The following AGBL1 variants were observed in gnomAD, a reference collection of about 807,000 sequenced individuals.
The protein encoded by AGBL1 is cytosolic carboxypeptidase 4.
Under a neutral mutation model 118.9 loss-of-function variants are expected in AGBL1, and 130 were observed. The observed-to-expected ratio is 1.09, with a 90% CI of 0.95 to 1.26. The LOEUF (loss-of-function observed/expected upper bound fraction) is 1.26. Ranked by LOEUF, AGBL1 falls within the 50% of genes most tolerant of loss-of-function variation. The probability of loss-of-function intolerance (pLI) is 0.00; values close to 1 mark genes in which losing one functional copy is unlikely to be tolerated. For missense variants in AGBL1, 1,584 were observed against 1,298.1 expected (o/e 1.22, Z -3.38); for synonymous variants, 555 against 478.9 (o/e 1.16, Z -2.08).
rs140301354 is a variant in AGBL1 at position 86,501,095 on chromosome 15, T to G, written c.2556-21715T>G. Reference sequence around the variant, plus strand: ...ACACTTTAAGGAACTACAAACCTACTTCAAAGTGGCTGAACCACTTTATAT... The same window carrying G: ...ACACTTTAAGGAACTACAAACCTACGTCAAAGTGGCTGAACCACTTTATAT... On this transcript the variant is annotated intron_variant, in intron 18 of 22. Transcript: ENST00000614907. Among the ~76,000 whole-genome samples, 93 of 149,446 alleles carry G rather than the reference T, an allele frequency of 6.2e-4. 2 individuals are homozygous for G. In the East Asian group the frequency reaches 0.012, roughly 19 times the overall value.
At chr15:86,368,312 A>C (rs895041645) in intron 17 of AGBL1, among the ~76,000 whole-genome samples, 1 of 152,136 alleles carries the variant, frequency 6.6e-6, no homozygotes, top group African/African-American at 2.4e-5. Context: ...ACAACCATGG[A>C]AAACCCACTT....
At chr15:86,852,065 G>A (rs920418504) in intron 22 of AGBL1, among the ~76,000 whole-genome samples, 99 of 152,202 alleles carry the variant, frequency 6.5e-4, no homozygotes, top group Non-Finnish European at 1.0e-3. Flanking sequence ...GTATTCATCC[G>A]TATTCACACT....
intron 18 of AGBL1, among the ~76,000 whole-genome samples, chr15:86,483,932 C>T (rs1246103403): frequency 6.6e-6 from 1 of 152,100 alleles, no homozygotes; most frequent in Non-Finnish European, 1.5e-5. Flanking sequence ...AGGGAGCAGT[C>T]AGTATTCAGC....
chr15:86,089,868 C>A (rs1392849655), intron 1 of AGBL1, among the ~76,000 whole-genome samples: 1 of 152,072 alleles, frequency 6.6e-6, no homozygotes, highest in South Asian at 2.1e-4. Context: ...ACTTTAATTG[C>A]ACCAACTTAA....
intron 21 of AGBL1, among the ~76,000 whole-genome samples, chr15:86,583,580 C>G (rs1346903067): frequency 1.3e-5 from 2 of 152,064 alleles, no homozygotes; most frequent in Non-Finnish European, 2.9e-5. Context: ...CAGTCCACTG[C>G]TGATGGGCGC....
chr15:86,970,720 T>C (rs2081099261), intron 23 of AGBL1, among the ~76,000 whole-genome samples: 1 of 152,002 alleles, frequency 6.6e-6, no homozygotes, highest in Non-Finnish European at 1.5e-5. Flanking sequence ...AGTATGTTCC[T>C]ACCACATTCA....
chr15:86,245,120 A>C (rs1388172399), intron 6 of AGBL1, among the ~76,000 whole-genome samples: 1 of 152,164 alleles, frequency 6.6e-6, no homozygotes, highest in Non-Finnish European at 1.5e-5. Flanking sequence ...CCAAAAAATC[A>C]GTGGGGCTTA....
intron 22 of AGBL1, among the ~76,000 whole-genome samples, chr15:86,863,588 C>T (rs2079587589): frequency 6.6e-6 from 1 of 151,196 alleles, no homozygotes; most frequent in Non-Finnish European, 1.5e-5. Flanking sequence ...TAAGAGAAGT[C>T]ACCATCTCTT....
At chr15:86,178,127 C>CACG (rs2077505807) in intron 5 of AGBL1, among the ~76,000 whole-genome samples, 1 of 152,150 alleles carries the variant, frequency 6.6e-6, no homozygotes. Context: ...TCCTGGCCAA[C>CACG]GTGATGTAAC....
At chr15:86,657,917 C>T (rs956145623) in intron 21 of AGBL1, among the ~76,000 whole-genome samples, 1 of 151,858 alleles carries the variant, frequency 6.6e-6, no homozygotes, top group African/African-American at 2.4e-5. Flanking sequence ...GTTAGGGATG[C>T]AAGTCTCCTG....
chr15:86,449,022 G>T (rs1177836872), intron 18 of AGBL1, among the ~76,000 whole-genome samples: 1 of 152,022 alleles, frequency 6.6e-6, no homozygotes, highest in Non-Finnish European at 1.5e-5. Flanking sequence ...AGCTTTTTGG[G>T]GTAACAATAA....
In AGBL1 at chr15:86,770,195, C is replaced by T. The variant is rs76525362; in HGVS notation, c.3158+95759C>T. On this transcript the variant is annotated intron_variant, in intron 22 of 22. Transcript: ENST00000614907. ...AGACAGATAATCTACATGTATCTGG[C>T]GCTATAGTTAGTTTATAGAGATGAA... 3.1e-3 allele frequency among the ~76,000 whole-genome samples: 475 copies of T among 151,940 alleles called. 5 individuals carry two copies. Among genetic ancestry groups the T allele is most frequent in the African/African-American group, 0.011 (436 of 41,470 alleles).
intron 19 of AGBL1, among the ~76,000 whole-genome samples, chr15:86,527,624 C>T (rs1311881524): frequency 1.3e-5 from 2 of 152,204 alleles, no homozygotes; most frequent in African/African-American, 4.8e-5. Context: ...ACGAGATTAA[C>T]TGTGACTCTG....
At position 86,914,047 on chromosome 15, in the gene AGBL1, CTA is replaced by C. The variant is rs2080387094; in HGVS notation, c.*6755_*6756del. On this transcript the variant is annotated 3_prime_UTR_variant, in exon 23 of 23. Coordinates refer to ENST00000614907, the MANE Select transcript of AGBL1 (RefSeq NM_001386094.1). ...AACACTTAAGCATAATTATTTGGAG[CTA>C]TTCAGTTAAAGTGTCTGAGTGTAGC... The C allele has an allele frequency of 6.6e-6, 1 of 152,160 alleles. No homozygotes were observed. Among genetic ancestry groups the C allele is most frequent in the East Asian group, 1.9e-4 (1 of 5,196 alleles). The allele number at this position is 152,160 out of a possible 1,614,324, so 9.4% of individuals were successfully genotyped here. A position where few individuals can be genotyped will look rare whatever the true frequency, so the allele number is the denominator to read the frequency against.
chr15:87,025,179 G>C (rs2081713265), intron 24 of AGBL1, among the ~76,000 whole-genome samples: 1 of 151,896 alleles, frequency 6.6e-6, no homozygotes, highest in African/African-American at 2.4e-5. Flanking sequence ...TGGTAAAGAG[G>C]GAGTCAAACT....
At chr15:87,028,744 C>T (rs1308144280) in intron 24 of AGBL1, 1 of 1,368,554 alleles carries the variant, frequency 7.3e-7, no homozygotes. Context: ...TCTAAAAGGT[C>T]AATTTGCCAA....
intron 23 of AGBL1, among the ~76,000 whole-genome samples, chr15:86,976,822 G>A (rs920848369): frequency 2.6e-5 from 4 of 151,598 alleles, no homozygotes; most frequent in East Asian, 1.9e-4. Context: ...TCGTATATAC[G>A]CATATTCACC....
intron 22 of AGBL1, among the ~76,000 whole-genome samples, chr15:86,900,842 C>G (rs1274367194): frequency 2.0e-5 from 3 of 152,120 alleles, no homozygotes; most frequent in African/African-American, 7.2e-5. Context: ...CTGTGCTACC[C>G]TTCAGCACTT....
intron 22 of AGBL1, among the ~76,000 whole-genome samples, chr15:86,883,914 CT>C (rs2141538590): frequency 6.6e-6 from 1 of 152,278 alleles, no homozygotes; most frequent in Non-Finnish European, 1.5e-5. Context: ...GTAGTCCCTC[CT>C]TTCCATGAGG....
Sources: gnomAD v4.1 joint callset for allele counts (sites outside exome capture counted in the v4.1 genomes callset) on GRCh38, gnomAD v4.1.1 for gene constraint, MANE v1.5 for transcripts, NCBI Gene and HGNC (gene_info 2026-07-23, HGNC 2026-07-21) for gene names.